RPF1: variants seen among roughly 807,000 people sequenced by gnomAD.
RPF1 encodes the protein ribosome production factor 1 homolog, also known as ribosome production factor 1.
RPF1 carries 34 observed loss-of-function variants against 41.9 expected under a neutral mutation model. The ratio of observed to expected loss-of-function variants is 0.81; its 90% CI spans 0.62 to 1.08. RPF1 has a LOEUF of 1.08. RPF1 is among the 50% of genes least tolerant of loss of function. The pLI is 0.00. For synonymous variants in RPF1, 140 were observed against 148.9 expected (o/e 0.94, Z 0.43); for missense variants, 425 against 435.2 (o/e 0.98, Z 0.21).
intron 5 of RPF1, 34 bp downstream of exon 5, chr1:84,490,506 C>A: frequency 1.4e-6 from 2 of 1,430,978 alleles, no homozygotes; most frequent in Non-Finnish European, 1.9e-6. Flanking sequence ...GTTTTCCTGT[C>A]CTCTCCCTCA....
intron 5 of RPF1, among the ~76,000 whole-genome samples, chr1:84,492,814 A>T (rs1056022917): frequency 2.0e-5 from 3 of 152,180 alleles, no homozygotes; most frequent in Admixed American, 2.0e-4. Context: ...TGCCAGTAAC[A>T]CCTCAGTCAT....
Position 84,479,395 on chromosome 1 carries a change from C to A in RPF1, c.114C>A (p.Asn38Lys). 1 of 1,614,160 alleles carries A rather than the reference C, an allele frequency of 6.2e-7. No homozygotes were observed. The highest frequency in any genetic ancestry group is 8.5e-7 in the Non-Finnish European group (1 of 1,179,996). The change falls in exon 1 of 9, where the codon AAC (asparagine) becomes AAA (lysine). Residue 38 changes from asparagine to lysine, a missense_variant. Asn to Lys is a moderately conservative substitution (Grantham distance 94). Transcript: ENST00000370654. The stretch of plus-strand genomic sequence containing the variant: ...GCGCTGGGGATGGGGCGACGGAAAA[C>A]GGGGTCCAACCCCCGAAAGCGGCTG... ...AAGAGDGATE[N>K]GVQPPKAAAF...
Position 84,490,341 on chromosome 1 carries a change from A to G in RPF1, c.485A>G (p.Gln162Arg), listed in dbSNP as rs1681811257. Reference protein sequence around the residue: ...PHGRTVRLCEQLSTVIPNSHV... With the variant: ...PHGRTVRLCERLSTVIPNSHV... ...CAGAGAACAGTACGACTCTGTGAAC[A>G]GCTCTCCACAGTTATACCAAACTCA... Residue 162 changes from glutamine to arginine, a missense_variant, in exon 5 of 9, where the codon CAG (glutamine) becomes CGG (arginine). Gln to Arg is a conservative substitution (Grantham distance 43). Coordinates refer to ENST00000370654, the MANE Select transcript of RPF1 (RefSeq NM_025065.7). The G allele has an allele frequency of 2.5e-6, 4 of 1,594,538 alleles. No individual in the cohort carries two copies. Among genetic ancestry groups the G allele is most frequent in the Non-Finnish European group, 2.6e-6 (3 of 1,173,968 alleles).
intron 5 of RPF1, among the ~76,000 whole-genome samples, chr1:84,494,787 TATTA>T (rs1257008939): frequency 6.6e-6 from 1 of 152,234 alleles, no homozygotes; most frequent in East Asian, 1.9e-4. Flanking sequence ...AGTGAATGGC[TATTA>T]ATTGGTTTGT....
chr1:84,493,929 G>A (rs1681883596), intron 5 of RPF1, among the ~76,000 whole-genome samples: 1 of 152,184 alleles, frequency 6.6e-6, no homozygotes, highest in African/African-American at 2.4e-5. Flanking sequence ...CACATTATGA[G>A]TCTGATACTA....
rs113387621 is a variant in RPF1 at position 84,482,863 on chromosome 1, A to G, written c.286-52A>G. 3.8e-5 allele frequency: 43 copies of G among 1,128,848 alleles called. 2 individuals carry two copies. In the African/African-American group the frequency reaches 3.9e-4, roughly 10 times the overall value. 69.9% of individuals were successfully genotyped at this position (1,128,848 alleles called of 1,614,324 possible). On this transcript the variant is annotated intron_variant, in intron 2 of 8. Transcript: ENST00000370654. Reference sequence around the variant, plus strand: ...TTTCTGTTATTTTTCTCCAACAGTAATATAATTAATGTAAAATCCTTCTAA... The same window carrying G: ...TTTCTGTTATTTTTCTCCAACAGTAGTATAATTAATGTAAAATCCTTCTAA...
In RPF1 at chr1:84,497,459, T is replaced by A; in HGVS notation, c.1039T>A (p.Phe347Ile). The change falls in exon 9 of 9, where the codon TTC becomes ATC. Residue 347 changes from phenylalanine (F) to isoleucine (I), a missense_variant. Coordinates refer to ENST00000370654, the MANE Select transcript of RPF1 (RefSeq NM_025065.7). Reference sequence around the variant, plus strand: ...GGAAATGGATACAAGTAGAAGAAAATTCCATTTATAAAGTACTGAGAGAAT... The same window carrying A: ...GGAAATGGATACAAGTAGAAGAAAAATCCATTTATAAAGTACTGAGAGAAT... ...PREMDTSRRK[F>I]HL 1 of 1,611,530 alleles carries A rather than the reference T, an allele frequency of 6.2e-7. No homozygotes were observed. Among genetic ancestry groups the A allele is most frequent in the Non-Finnish European group, 8.5e-7 (1 of 1,178,378 alleles).
At chr1:84,497,355 T>A (rs1235877774) in intron 8 of RPF1, 74 bp from the exon 9 acceptor site, 9 of 1,301,116 alleles carry the variant, frequency 6.9e-6, no homozygotes, top group Non-Finnish European at 9.8e-6. Flanking sequence ...CGTTAACTTT[T>A]ACTGTCTTAC....
In RPF1 at chr1:84,496,299, A is replaced by G; in HGVS notation, c.937A>G (p.Thr313Ala). 1 of 1,613,410 alleles carries G rather than the reference A, an allele frequency of 6.2e-7. No homozygotes were observed. Among genetic ancestry groups the G allele is most frequent in the Non-Finnish European group, 8.5e-7 (1 of 1,179,428 alleles). ...VGIQELGPRF[T>A]LKLRSLQKGT... ...AATTCAGGAACTTGGACCACGTTTT[A>G]CCTTAAAATTAAGGTCTCTTCAGAA... Residue 313 changes from threonine (T) to alanine (A), a missense_variant, in exon 8 of 9, where the codon ACC (threonine) becomes GCC (alanine). Coordinates refer to ENST00000370654, the MANE Select transcript of RPF1 (RefSeq NM_025065.7).
intron 4 of RPF1, among the ~76,000 whole-genome samples, chr1:84,489,964 G>A (rs1379661013): frequency 6.6e-6 from 1 of 152,106 alleles, no homozygotes; most frequent in African/African-American, 2.4e-5. Flanking sequence ...CTTTGTTATG[G>A]TGAGCTATCC....
At chr1:84,479,626 T>C (rs1401810869) in intron 1 of RPF1, 117 bp downstream of exon 1, 3 of 959,110 alleles carry the variant, frequency 3.1e-6, no homozygotes, top group African/African-American at 3.3e-5. Context: ...TGTGGCTCCG[T>C]GGGAAGGGTG....
rs1428691047 is a variant in RPF1, at chr1:84,497,699, TG to T, written c.*232del. ...TCCTTAAACTTAGTTCTCTTGTTTT[TG>T]GGTAACTGTGAATAATTAAGTTGGA... On this transcript the variant is annotated 3_prime_UTR_variant, in exon 9 of 9. Transcript: ENST00000370654. The T allele has an allele frequency of 1.3e-5, 5 of 399,112 alleles. No individual in the cohort carries two copies. The highest frequency in any genetic ancestry group is 2.3e-5 in the Non-Finnish European group (5 of 218,782). The allele number at this position is 399,112 out of a possible 1,614,324, so 24.7% of individuals were successfully genotyped here.
intron 6 of RPF1, among the ~76,000 whole-genome samples, chr1:84,495,677 T>C (rs1026022653): frequency 2.0e-5 from 3 of 152,188 alleles, no homozygotes; most frequent in Admixed American, 6.5e-5. Context: ...TCTAATAGGA[T>C]TTTTTTGTTG....
At chr1:84,486,473 A>G (rs941329526) in intron 3 of RPF1, among the ~76,000 whole-genome samples, 4 of 151,636 alleles carry the variant, frequency 2.6e-5, no homozygotes, top group Admixed American at 2.0e-4. Context: ...CTGTAGTCCC[A>G]GCTACTCGGG....
intron 3 of RPF1, among the ~76,000 whole-genome samples, chr1:84,489,344 C>A (rs1003771367): frequency 6.6e-6 from 1 of 151,752 alleles, no homozygotes; most frequent in East Asian, 1.9e-4. Flanking sequence ...TTTTTACTAA[C>A]CAAGTTGATG....
chr1:84,481,061 C>A, intron 2 of RPF1, 49 bp downstream of exon 2: 1 of 1,028,910 alleles, frequency 9.7e-7, no homozygotes, highest in African/African-American at 1.6e-5. Flanking sequence ...TTAGGGAATC[C>A]CTCCTGATAT....
chr1:84,497,166 G>A (rs1376415094), intron 8 of RPF1, among the ~76,000 whole-genome samples: 1 of 150,782 alleles, frequency 6.6e-6, no homozygotes, highest in Non-Finnish European at 1.5e-5. Context: ...CACCGTGCAT[G>A]GCCTAAAACA....
intron 5 of RPF1, among the ~76,000 whole-genome samples, chr1:84,493,352 AG>A (rs1332358181): frequency 1.3e-5 from 2 of 149,998 alleles, no homozygotes; most frequent in Non-Finnish European, 3.0e-5. Context: ...AAAAAAAAAA[AG>A]ATCTGCCTGC....
chr1:84,490,470 C>A lies in RPF1; in HGVS notation c.614C>A (p.Pro205Gln). 6.4e-7 allele frequency: 1 copy of A among 1,572,474 alleles called. No individual in the cohort carries two copies. The highest frequency in any genetic ancestry group is 8.6e-7 in the Non-Finnish European group (1 of 1,166,720). ...GTTATTAATGAAGATCGTAAAACCCCAAGTATCCTTTTTTTTTTTAAGGAG... is the reference window on the plus strand; with the variant it reads ...GTTATTAATGAAGATCGTAAAACCCAAAGTATCCTTTTTTTTTTTAAGGAG... ...LIVINEDRKT[P>Q]NGLILSHLPN... is the part of the protein sequence containing the mutation. The change falls in exon 5 of 9, where the codon CCA becomes CAA. Residue 205 changes from proline to glutamine, a missense_variant and splice_region_variant. By Grantham distance (76) the Pro-to-Gln change is moderately conservative. Coordinates refer to ENST00000370654, the MANE Select transcript of RPF1 (RefSeq NM_025065.7).
Sources: gnomAD v4.1 joint callset for allele counts (sites outside exome capture counted in the v4.1 genomes callset) on GRCh38, gnomAD v4.1.1 for gene constraint, MANE v1.5 for transcripts, NCBI Gene and HGNC (gene_info 2026-07-23, HGNC 2026-07-21) for gene names.